PGM5: variants seen among roughly 807,000 people sequenced by gnomAD.
The protein encoded by PGM5 is phosphoglucomutase 5, also known as phosphoglucomutase-like protein 5.
A neutral mutation model predicts 59.2 loss-of-function variants in PGM5; 23 were observed. The observed-to-expected ratio is 0.39, with a 90% CI of 0.28 to 0.55. The LOEUF (loss-of-function observed/expected upper bound fraction) is 0.55, where lower values mean the gene tolerates loss of function less well. Ranked by LOEUF, PGM5 falls within the 20% of genes least tolerant of loss-of-function variation. The pLI, the probability that PGM5 is intolerant of heterozygous loss-of-function variation, is 0.66. For synonymous variants in PGM5, 214 were observed against 286.0 expected, an observed-to-expected ratio of 0.75 and a Z score of 2.54; for missense variants, 574 against 748.3, an observed-to-expected ratio of 0.77 and a Z score of 2.72.
chr9:68,469,952 G>T (rs1346665318), intron 7 of PGM5, among the ~76,000 whole-genome samples: 1 of 152,128 alleles, frequency 6.6e-6, no homozygotes, highest in African/African-American at 2.4e-5. Context: ...CCCAAGATTT[G>T]GGAAGATTTA....
chr9:68,492,766 TAAAC>T (rs1824415263), intron 9 of PGM5, among the ~76,000 whole-genome samples: 1 of 152,190 alleles, frequency 6.6e-6, no homozygotes. Context: ...TATGAATTAT[TAAAC>T]AAAGAAAAAT....
At chr9:68,483,735 G>A in intron 8 of PGM5, 130 bp from the exon 9 acceptor site, 1 of 711,540 alleles carries the variant, frequency 1.4e-6, no homozygotes, top group South Asian at 1.8e-5. Flanking sequence ...TGAAAGAGGG[G>A]AGATGAGTTG....
At chr9:68,358,759 A>T (rs1426212822) in intron 1 of PGM5, among the ~76,000 whole-genome samples, 1 of 152,030 alleles carries the variant, frequency 6.6e-6, no homozygotes, top group Non-Finnish European at 1.5e-5. Context: ...GGATTTTTTT[A>T]AAAACATAAT....
At chr9:68,525,498 T>C (rs1824958090) in intron 10 of PGM5, among the ~76,000 whole-genome samples, 1 of 152,202 alleles carries the variant, frequency 6.6e-6, no homozygotes, top group African/African-American at 2.4e-5. Context: ...TACATGGCAC[T>C]TGATATTGAT....
At position 68,357,247 on chromosome 9, in the gene PGM5, C is replaced by T; in HGVS notation, c.120C>T (p.Tyr40=). The T allele has an allele frequency of 1.3e-6, 2 of 1,543,402 alleles. No homozygotes were observed. Among genetic ancestry groups the T allele is most frequent in the Non-Finnish European group, 1.7e-6 (2 of 1,146,034 alleles). ...GCCTCTTCGAGGGCCAGCGCAACTA[C>T]CTGCCCAACTTTATCCAGAGCGTGC... The part of the protein sequence containing the change: ...PTGLFEGQRN[Y]LPNFIQSVLS... Residue 40 remains tyrosine (Y), a synonymous_variant, in exon 1 of 11, where the codon TAC becomes TAT. Transcript: ENST00000396396.
intron 6 of PGM5, among the ~76,000 whole-genome samples, chr9:68,411,044 G>A (rs4104117): frequency 5.3e-4 from 81 of 152,200 alleles, no homozygotes; most frequent in South Asian, 2.1e-3. Context: ...AAAAAAGACT[G>A]CCTACTGTTT....
chr9:68,420,902 G>A (rs1823117074), intron 6 of PGM5, among the ~76,000 whole-genome samples: 1 of 152,222 alleles, frequency 6.6e-6, no homozygotes, highest in Admixed American at 6.5e-5. Flanking sequence ...AAAATGCACA[G>A]ATGGTTTTGA....
At position 68,378,352 on chromosome 9, in the gene PGM5, G is replaced by A; in HGVS notation, c.415G>A (p.Ala139Thr). Reference sequence around the variant, plus strand: ...AGAGTTTGGAGTGAAGTTTAATGTTGCCAATGGAGGTATGTGGTTCAGCAT... The same window carrying A: ...AGAGTTTGGAGTGAAGTTTAATGTTACCAATGGAGGTATGTGGTTCAGCAT... ...GGEFGVKFNV[A>T]NGGPAPDVVS... Residue 139 changes from alanine (A) to threonine (T), a missense_variant, in exon 2 of 11, where the codon GCC (alanine) becomes ACC (threonine). Physicochemically the swap from Ala to Thr is moderately conservative, Grantham distance 58 (BLOSUM62 0). Around this residue, in one of 7 missense-constraint regions of PGM5, gnomAD observed 61 missense variants for 133.3 expected, o/e 0.46. Transcript: ENST00000396396. 6.3e-7 allele frequency: 1 copy of A among 1,587,202 alleles called. No homozygotes were observed. Among genetic ancestry groups the A allele is most frequent in the Non-Finnish European group, 8.5e-7 (1 of 1,170,904 alleles).
At chr9:68,371,418 T>C (rs1554677156) in intron 1 of PGM5, among the ~76,000 whole-genome samples, 1 of 152,152 alleles carries the variant, frequency 6.6e-6, no homozygotes, top group Non-Finnish European at 1.5e-5. Context: ...TTCTAGGACT[T>C]TTTCAGAGAG....
intron 10 of PGM5, among the ~76,000 whole-genome samples, chr9:68,516,576 T>C (rs1462617487): frequency 6.6e-6 from 1 of 152,156 alleles, no homozygotes; most frequent in East Asian, 1.9e-4. Flanking sequence ...AACCTCACCA[T>C]GGGTGGGCCT....
chr9:68,375,065 T>C (rs1305871811), intron 1 of PGM5, among the ~76,000 whole-genome samples: 1 of 152,104 alleles, frequency 6.6e-6, no homozygotes, highest in African/African-American at 2.4e-5. Flanking sequence ...GGCTGGAAAG[T>C]TGGTGCTGGC....
At chr9:68,380,782 G>C (rs2265173) in intron 2 of PGM5, among the ~76,000 whole-genome samples, 4 of 151,166 alleles carry the variant, frequency 2.6e-5, no homozygotes, top group Admixed American at 6.6e-5. Flanking sequence ...AATAAAAATG[G>C]TCATAAGGGA....
intron 6 of PGM5, among the ~76,000 whole-genome samples, chr9:68,457,126 A>G (rs1823791360): frequency 6.6e-6 from 1 of 152,146 alleles, no homozygotes; most frequent in African/African-American, 2.4e-5. Flanking sequence ...CTTTGATTTT[A>G]TGCATTGCAA....
chr9:68,482,150 G>A (rs575659841), intron 8 of PGM5, among the ~76,000 whole-genome samples: 32 of 152,144 alleles, frequency 2.1e-4, no homozygotes, highest in South Asian at 6.2e-4. Context: ...GAAGGTGAAC[G>A]TTTGGGCAAA....
intron 6 of PGM5, among the ~76,000 whole-genome samples, chr9:68,455,401 C>G (rs1270675048): frequency 1.3e-5 from 2 of 151,788 alleles, no homozygotes; most frequent in Non-Finnish European, 2.9e-5. Context: ...AGAACCATAC[C>G]CAGGACTGAT....
At chr9:68,383,013 A>G (rs1822115508) in intron 2 of PGM5, among the ~76,000 whole-genome samples, 1 of 152,138 alleles carries the variant, frequency 6.6e-6, no homozygotes, top group South Asian at 2.1e-4. Context: ...AAACAAGACT[A>G]CCTATTCTTT....
chr9:68,457,793 T>C (rs1310385371), intron 6 of PGM5, among the ~76,000 whole-genome samples: 1 of 152,026 alleles, frequency 6.6e-6, no homozygotes, highest in Non-Finnish European at 1.5e-5. Flanking sequence ...TCCAAGAGTA[T>C]TATATAAGTC....
At chr9:68,487,061 T>A (rs116150754) in intron 9 of PGM5, among the ~76,000 whole-genome samples, 1 of 152,336 alleles carries the variant, frequency 6.6e-6, no homozygotes, top group African/African-American at 2.4e-5. Flanking sequence ...TATATCTCTC[T>A]GTTAGCAAAG....
At chr9:68,495,318 G>A (rs1449530532) in intron 9 of PGM5, among the ~76,000 whole-genome samples, 5 of 152,180 alleles carry the variant, frequency 3.3e-5, no homozygotes, top group Non-Finnish European at 2.9e-5. Context: ...AACAGAAGAA[G>A]AAAAATTTAT....
Sources: gnomAD v4.1 joint callset for allele counts (sites outside exome capture counted in the v4.1 genomes callset) on GRCh38, gnomAD v4.1.1 for gene constraint, gnomAD v4.1.1 regional missense constraint, MANE v1.5 for transcripts, NCBI Gene and HGNC (gene_info 2026-07-23, HGNC 2026-07-21) for gene names.